Variants in APLF observed in about 807,000 individuals in gnomAD.
The protein encoded by APLF is aprataxin and PNKP like factor.
APLF carries 61 observed loss-of-function variants against 55.6 expected under a neutral mutation model. The observed-to-expected ratio is 1.10, with a 90% CI of 0.89 to 1.36. The LOEUF is 1.36. Among genes scored for constraint, APLF ranks in the 40% most tolerant of loss-of-function variants. APLF has a pLI of 0.00. For synonymous variants in APLF, 207 were observed against 214.8 expected (o/e 0.96, Z 0.32); for missense variants, 611 against 602.5 (o/e 1.01, Z -0.15).
intron 1 of APLF, among the ~76,000 whole-genome samples, chr2:68,470,549 AATTT>A (rs1675585926): frequency 1.3e-5 from 2 of 152,324 alleles, no homozygotes; most frequent in South Asian, 4.1e-4. Flanking sequence ...TAAGAAATTT[AATTT>A]AAAAGGGTTT....
chr2:68,524,712 A>G (rs548909132), intron 5 of APLF, among the ~76,000 whole-genome samples: 1 of 152,342 alleles, frequency 6.6e-6, no homozygotes, highest in East Asian at 1.9e-4. Flanking sequence ...TTATGTTCAA[A>G]CTTCATTTAG....
At chr2:68,569,948 TGGG>T (rs1463869407) in intron 9 of APLF, among the ~76,000 whole-genome samples, 1 of 152,026 alleles carries the variant, frequency 6.6e-6, no homozygotes, top group Non-Finnish European at 1.5e-5. Flanking sequence ...GAATTTGAGG[TGGG>T]GGTATCATAA....
intron 9 of APLF, among the ~76,000 whole-genome samples, chr2:68,570,262 G>T (rs576601579): frequency 1.0e-3 from 150 of 146,772 alleles, no homozygotes; most frequent in Non-Finnish European, 1.9e-3. Flanking sequence ...GTACCAGGAA[G>T]ATTTTGTTTT....
In APLF at chr2:68,578,191, T is replaced by C. The variant is rs1671671079; in HGVS notation, c.*169T>C. The stretch of plus-strand genomic sequence containing the variant: ...GACATTGAAACGTCAGCCTTCAGTA[T>C]AATAGATGGAATTTTTTGTTGCCTT... On this transcript the variant is annotated 3_prime_UTR_variant, in exon 10 of 10. Coordinates refer to ENST00000303795, the MANE Select transcript of APLF (RefSeq NM_173545.3). 2.9e-6 allele frequency: 4 copies of C among 1,369,494 alleles called. No individual in the cohort carries two copies. The South Asian group carries it at 5.2e-5, about 18-fold the overall frequency. 84.8% of individuals were successfully genotyped at this position (1,369,494 alleles called of 1,614,324 possible).
intron 8 of APLF, among the ~76,000 whole-genome samples, chr2:68,556,070 CTAT>C (rs1343881448): frequency 3.9e-5 from 6 of 152,096 alleles, no homozygotes; most frequent in Non-Finnish European, 4.4e-5. Context: ...AGATTGGAGA[CTAT>C]TATTCTAAGT....
intron 2 of APLF, among the ~76,000 whole-genome samples, chr2:68,498,200 A>G (rs1450085157): frequency 6.6e-6 from 1 of 152,234 alleles, no homozygotes; most frequent in Admixed American, 6.5e-5. Context: ...TTCCCTGATC[A>G]GTCACAAATT....
Position 68,545,291 on chromosome 2 carries a change from C to T in APLF, c.1265C>T (p.Pro422Leu). The change falls in exon 8 of 10, where the codon CCC becomes CTC. Residue 422 changes from proline (P) to leucine (L), a missense_variant. Transcript: ENST00000303795. ...GAGACTGATGACCGGCCTGAATGTCCCTATGGACCATCCTGTTATAGGTAT... is the reference window on the plus strand; with the variant it reads ...GAGACTGATGACCGGCCTGAATGTCTCTATGGACCATCCTGTTATAGGTAT... ...QDETDDRPEC[P>L]YGPSCYRKNP... 1 of 1,613,558 alleles carries T rather than the reference C, an allele frequency of 6.2e-7. No individual in the cohort carries two copies. The highest frequency in any genetic ancestry group is 2.2e-5 in the East Asian group (1 of 44,862).
At position 68,545,176 on chromosome 2, in the gene APLF, C is replaced by T. The variant is rs372875638; in HGVS notation, c.1161-11C>T. 82 of 1,609,596 alleles carry T rather than the reference C, an allele frequency of 5.1e-5. 1 individual carries two copies. The African/African-American group carries it at 7.4e-4, about 14-fold the overall frequency. On this transcript the variant is annotated splice_polypyrimidine_tract_variant and intron_variant, in intron 7 of 9. Coordinates refer to ENST00000303795, the MANE Select transcript of APLF (RefSeq NM_173545.3). ...TTTTTTTTTCTGACAGTATATTTGT[C>T]GCCCTCCTAGGAAGAATCCTGTTCA...
rs150412427 is a variant in APLF, at chr2:68,476,992, T to C, written c.96+9165T>C. ...TCTATATTTAAAAAACATTGAAAAA[T>C]TAAAAAGATATGTCATGAATAAATG... is the stretch of plus-strand genomic sequence containing the variant. On this transcript the variant is annotated intron_variant, in intron 1 of 9. Coordinates refer to ENST00000303795, the MANE Select transcript of APLF (RefSeq NM_173545.3). Among the ~76,000 whole-genome samples, 999 of 152,178 alleles carry C rather than the reference T, an allele frequency of 6.6e-3. 7 individuals are homozygous for C. Among genetic ancestry groups the C allele is most frequent in the African/African-American group, 0.023 (951 of 41,518 alleles).
intron 9 of APLF, among the ~76,000 whole-genome samples, chr2:68,569,249 C>T (rs538445050): frequency 7.2e-4 from 109 of 152,128 alleles, no homozygotes; most frequent in African/African-American, 2.5e-3. Flanking sequence ...CCCAACTTGC[C>T]GTGAGATGCT....
intron 3 of APLF, among the ~76,000 whole-genome samples, chr2:68,511,278 A>C (rs1677042338): frequency 6.6e-6 from 1 of 151,792 alleles, no homozygotes; most frequent in African/African-American, 2.4e-5. Flanking sequence ...AATATTCTGT[A>C]GTGATGCTTT....
At position 68,471,667 on chromosome 2, in the gene APLF, C is replaced by G. The variant is rs529509722; in HGVS notation, c.96+3840C>G. ...CAATCCCTGCTACTTTCCCCTATTC[C>G]CAGTTGGTAACAGTGTCATATTGTT... On this transcript the variant is annotated intron_variant, in intron 1 of 9. Transcript: ENST00000303795. Among the ~76,000 whole-genome samples the G allele has an allele frequency of 6.6e-5, 10 of 152,150 alleles. No homozygotes were observed. The East Asian group carries it at 1.9e-3, about 29-fold the overall frequency.
At chr2:68,519,505 A>G (rs951170387) in intron 5 of APLF, among the ~76,000 whole-genome samples, 5 of 149,842 alleles carry the variant, frequency 3.3e-5, no homozygotes, top group African/African-American at 7.3e-5. Flanking sequence ...CATTGGTTCA[A>G]TTTTTGGTCA....
chr2:68,525,987 TC>T, intron 5 of APLF, 73 bp from the exon 6 acceptor site: 1 of 1,413,156 alleles, frequency 7.1e-7, no homozygotes, highest in Non-Finnish European at 9.5e-7. Flanking sequence ...TTTTCTTTTT[TC>T]TTTTTTTGAT....
Position 68,529,171 on chromosome 2 carries a change from G to T in APLF, c.804+2929G>T. 2.3e-6 allele frequency: 3 copies of T among 1,288,824 alleles called. No individual in the cohort carries two copies. Among genetic ancestry groups the T allele is most frequent in the Non-Finnish European group, 2.1e-6 (2 of 942,126 alleles). 79.8% of individuals were successfully genotyped at this position (1,288,824 alleles called of 1,614,324 possible). On this transcript the variant is annotated intron_variant, in intron 6 of 9. Transcript: ENST00000303795. This position sits in a 1 kb window ranked among gnomAD's most constrained non-coding sequence, Gnocchi z 4.4. The stretch of plus-strand genomic sequence containing the variant: ...GCACGGGTTTCTTCCTTGAGGGGGG[G>T]CTCCAGACAACAGGAGGCAGGACCC...
chr2:68,553,145 T>C (rs1253595238), intron 8 of APLF, among the ~76,000 whole-genome samples: 1 of 152,100 alleles, frequency 6.6e-6, no homozygotes, highest in Non-Finnish European at 1.5e-5. Flanking sequence ...TAGTCTTGGC[T>C]TTCTAAAGTA....
chr2:68,509,386 C>A (rs755087445), intron 3 of APLF, among the ~76,000 whole-genome samples: 2 of 151,546 alleles, frequency 1.3e-5, no homozygotes, highest in East Asian at 1.9e-4. Context: ...AAAAAAACAA[C>A]CCCATCAAAA....
chr2:68,578,664 T>C lies in APLF; in HGVS notation c.*642T>C. On this transcript the variant is annotated 3_prime_UTR_variant, in exon 10 of 10. Coordinates refer to ENST00000303795, the MANE Select transcript of APLF (RefSeq NM_173545.3). ...TATTTTGTGTTCCACATCTGCAATT[T>C]ACTGTATGTTTGAATTTAAAAGTAA... The C allele has an allele frequency of 1.0e-6, 1 of 985,390 alleles. No individual in the cohort carries two copies. Among genetic ancestry groups the C allele is most frequent in the South Asian group, 4.7e-5 (1 of 21,292 alleles). The allele number at this position is 985,390 out of a possible 1,614,324, so 61.0% of individuals were successfully genotyped here. A position where few individuals can be genotyped will look rare whatever the true frequency, so the allele number is the denominator to read the frequency against.
intron 9 of APLF, among the ~76,000 whole-genome samples, chr2:68,568,584 A>G (rs1389717052): frequency 4.6e-5 from 7 of 152,140 alleles, no homozygotes; most frequent in Non-Finnish European, 8.8e-5. Flanking sequence ...ATGTAATTGT[A>G]TTTGATTAAA....
Sources: allele counts gnomAD v4.1 joint callset (sites outside exome capture counted in the v4.1 genomes callset), GRCh38; gene constraint gnomAD v4.1.1; non-coding constraint Gnocchi (gnomAD v3.1); transcripts MANE v1.5; gene names NCBI Gene and HGNC (gene_info 2026-07-23, HGNC 2026-07-21).